The following TAFA2 variants were observed in gnomAD, a reference collection of about 807,000 sequenced individuals.
TAFA2 encodes TAFA chemokine like family member 2.
Under a neutral mutation model 18.8 loss-of-function variants are expected in TAFA2, and 7 were observed. That is an observed-to-expected ratio of 0.37 (90% CI 0.21 to 0.70). TAFA2 has a LOEUF of 0.70. Among genes scored for constraint, TAFA2 ranks in the 30% least tolerant of loss-of-function variants. The pLI is 0.53. For synonymous variants in TAFA2, 60 were observed against 54.2 expected, an observed-to-expected ratio of 1.11 and a Z score of -0.47; for missense variants, 122 against 158.1, an observed-to-expected ratio of 0.77 and a Z score of 1.23.
intron 1 of TAFA2, among the ~76,000 whole-genome samples, chr12:62,234,143 G>A (rs1211587973): frequency 6.6e-6 from 1 of 152,156 alleles, no homozygotes; most frequent in African/African-American, 2.4e-5. Context: ...GAAATGGGAG[G>A]TGCAGCTAGC....
intron 1 of TAFA2, among the ~76,000 whole-genome samples, chr12:61,949,050 G>A (rs1394381074): frequency 6.6e-6 from 1 of 152,144 alleles, no homozygotes; most frequent in Non-Finnish European, 1.5e-5. Flanking sequence ...CAGATATTTG[G>A]TAAGGCATTA....
At chr12:62,168,116 T>C (rs2062452522) in intron 1 of TAFA2, among the ~76,000 whole-genome samples, 1 of 152,186 alleles carries the variant, frequency 6.6e-6, no homozygotes, top group African/African-American at 2.4e-5. Context: ...TAGCCTGCCT[T>C]TCCTGTATTG....
intron 1 of TAFA2, among the ~76,000 whole-genome samples, chr12:62,177,142 A>AC (rs529043047): frequency 1.3e-5 from 2 of 152,234 alleles, no homozygotes; most frequent in South Asian, 4.1e-4. Flanking sequence ...CAGGGGGGAA[A>AC]CCTTCATCCC....
chr12:62,199,212 T>C (rs1172257089), intron 1 of TAFA2, among the ~76,000 whole-genome samples: 2 of 152,146 alleles, frequency 1.3e-5, no homozygotes, highest in African/African-American at 2.4e-5. Flanking sequence ...CTTCATTTTG[T>C]TTTAAGTGCC....
At chr12:62,252,795 T>G (rs768326246) in intron 1 of TAFA2, 2 of 152,136 alleles carry the variant, frequency 1.3e-5, no homozygotes, top group Non-Finnish European at 2.9e-5. Flanking sequence ...CCACATCTCT[T>G]TTGCAATAAA....
At chr12:61,891,138 T>C (rs1173994907) in intron 1 of TAFA2, among the ~76,000 whole-genome samples, 1 of 152,160 alleles carries the variant, frequency 6.6e-6, no homozygotes, top group Non-Finnish European at 1.5e-5. Flanking sequence ...AATAAATGAA[T>C]ACCTAAATAA....
At chr12:62,170,865 T>C (rs1324499218) in intron 1 of TAFA2, among the ~76,000 whole-genome samples, 1 of 152,216 alleles carries the variant, frequency 6.6e-6, no homozygotes, top group Non-Finnish European at 1.5e-5. Context: ...TTTCATCAGG[T>C]AGCAGATTAC....
intron 1 of TAFA2, among the ~76,000 whole-genome samples, chr12:61,938,795 G>T (rs1565688369): frequency 6.6e-6 from 1 of 152,144 alleles, no homozygotes; most frequent in Non-Finnish European, 1.5e-5. Context: ...TCTAGGTGAA[G>T]TAACTCAGGA....
chr12:61,714,550 A>G (rs913884098), intron 4 of TAFA2, among the ~76,000 whole-genome samples: 1 of 152,202 alleles, frequency 6.6e-6, no homozygotes, highest in African/African-American at 2.4e-5. Flanking sequence ...TAAACAACTC[A>G]TGCTAAAATC....
In TAFA2 at chr12:61,758,085, T is replaced by C. The variant is rs557037564; in HGVS notation, c.107-3061A>G. Among the ~76,000 whole-genome samples the C allele has an allele frequency of 2.0e-5, 3 of 152,212 alleles. No individual in the cohort carries two copies. The East Asian group carries it at 5.8e-4, about 30-fold the overall frequency. On this transcript the variant is annotated intron_variant, in intron 2 of 4. Coordinates refer to ENST00000416284, the MANE Select transcript of TAFA2 (RefSeq NM_178539.5). ...ACTGCCTCCCCGTAGCAGGCACTTC[T>C]GTAAGTGTTAGCTATTTCTATTGCT...
At chr12:62,163,859 G>A (rs867134926) in intron 1 of TAFA2, among the ~76,000 whole-genome samples, 1 of 152,056 alleles carries the variant, frequency 6.6e-6, no homozygotes, top group South Asian at 2.1e-4. Context: ...CTGTATTAAC[G>A]TGTAGTATTT....
chr12:62,102,621 C>T lies in TAFA2; in HGVS notation c.-2+88638G>A, dbSNP rs151255828. Among the ~76,000 whole-genome samples, 4 of 152,288 alleles carry T rather than the reference C, an allele frequency of 2.6e-5. No individual in the cohort carries two copies. The East Asian group carries it at 7.7e-4, about 29-fold the overall frequency. ...ATGAGCTGAACTACTTCCTAAACAGCAGTGTCAGAAGTGTTCTAAACTACA... is the reference window on the plus strand; with the variant it reads ...ATGAGCTGAACTACTTCCTAAACAGTAGTGTCAGAAGTGTTCTAAACTACA... On this transcript the variant is annotated intron_variant, in intron 1 of 4. Transcript: ENST00000416284.
At chr12:61,784,148 T>A (rs1870625775) in intron 2 of TAFA2, among the ~76,000 whole-genome samples, 1 of 151,554 alleles carries the variant, frequency 6.6e-6, no homozygotes, top group African/African-American at 2.4e-5. Context: ...AAGGATATAA[T>A]CTAATTATTT....
intron 1 of TAFA2, among the ~76,000 whole-genome samples, chr12:61,993,284 AT>A (rs1483900221): frequency 1.3e-5 from 2 of 152,128 alleles, no homozygotes; most frequent in African/African-American, 2.4e-5. Flanking sequence ...AGTCATTCCA[AT>A]TTTTATCAAT....
chr12:62,202,045 C>A (rs1019589193), intron 1 of TAFA2, among the ~76,000 whole-genome samples: 2 of 152,144 alleles, frequency 1.3e-5, no homozygotes, highest in Non-Finnish European at 1.5e-5. Context: ...TTATAGTATT[C>A]TCTGACGGCT....
chr12:62,105,496 A>G (rs562363342), intron 1 of TAFA2, among the ~76,000 whole-genome samples: 1 of 152,342 alleles, frequency 6.6e-6, no homozygotes, highest in South Asian at 2.1e-4. Flanking sequence ...TTAAAAATGT[A>G]TTAGATTGAG....
chr12:62,181,703 G>T (rs2062552643), intron 1 of TAFA2, among the ~76,000 whole-genome samples: 1 of 152,174 alleles, frequency 6.6e-6, no homozygotes, highest in Admixed American at 6.5e-5. Context: ...AACTGAGCTT[G>T]TGACATGAGG....
chr12:61,917,807 T>TA (rs1876887401), intron 1 of TAFA2, among the ~76,000 whole-genome samples: 1 of 152,110 alleles, frequency 6.6e-6, no homozygotes, highest in South Asian at 2.1e-4. Flanking sequence ...AGCCACATAG[T>TA]AAAAAAAGTA....
intron 1 of TAFA2, among the ~76,000 whole-genome samples, chr12:62,110,598 C>T (rs1385235292): frequency 1.4e-5 from 2 of 145,688 alleles, no homozygotes; most frequent in African/African-American, 5.0e-5. Context: ...GCTGTGAATC[C>T]ATCTGGTCCT....
Sources: allele counts gnomAD v4.1 joint callset (sites outside exome capture counted in the v4.1 genomes callset), GRCh38; gene constraint gnomAD v4.1.1; transcripts MANE v1.5; gene names NCBI Gene and HGNC (gene_info 2026-07-23, HGNC 2026-07-21).